Variants in DNAJC11 observed in about 807,000 individuals in gnomAD.
DNAJC11 encodes the protein DnaJ heat shock protein family (Hsp40) member C11, also known as dnaJ homolog subfamily C member 11.
DNAJC11 carries 15 observed loss-of-function variants against 78.6 expected under a neutral mutation model. That is an observed-to-expected ratio of 0.19 (90% confidence interval 0.13 to 0.29). DNAJC11 has a LOEUF of 0.29. DNAJC11 is among the 10% of genes least tolerant of loss of function. The pLI, the probability that DNAJC11 is intolerant of heterozygous loss-of-function variation, is 1.00. For missense variants in DNAJC11, 547 were observed against 709.6 expected (o/e 0.77, Z 2.60); for synonymous variants, 292 against 272.1 (o/e 1.07, Z -0.72).
intron 4 of DNAJC11, among the ~76,000 whole-genome samples, chr1:6,666,782 C>T (rs1265356289): frequency 2.0e-5 from 3 of 152,124 alleles, no homozygotes; most frequent in Non-Finnish European, 2.9e-5. Flanking sequence ...CTTCCAACAA[C>T]GTTGATGATT....
Position 6,651,586 on chromosome 1 carries a change from C to T in DNAJC11, c.647G>A (p.Gly216Glu). The change falls in exon 7 of 16, where the codon GGA becomes GAA. Residue 216 changes from glycine (G) to glutamate (E), a missense_variant. Transcript: ENST00000377577. The part of the protein sequence containing the change: ...KGWGELEFGA[G>E]DLQGPLFGLK... ...ACCGAACAAAGGCCCCTGTAGGTCTCCAGCTCCAAATTCCAACTGTTTGAA... is the reference window on the plus strand; with the variant it reads ...ACCGAACAAAGGCCCCTGTAGGTCTTCAGCTCCAAATTCCAACTGTTTGAA... The T allele has an allele frequency of 6.2e-7, 1 of 1,614,060 alleles. No individual in the cohort carries two copies. Among genetic ancestry groups the T allele is most frequent in the Non-Finnish European group, 8.5e-7 (1 of 1,179,960 alleles).
intron 4 of DNAJC11, among the ~76,000 whole-genome samples, chr1:6,661,386 T>C (rs1042251706): frequency 3.3e-5 from 5 of 152,224 alleles, no homozygotes; most frequent in African/African-American, 1.2e-4. Flanking sequence ...CAGTAGTCTT[T>C]AATTCTGAAA....
chr1:6,656,653 G>A (rs1190426273), intron 4 of DNAJC11, among the ~76,000 whole-genome samples: 1 of 151,648 alleles, frequency 6.6e-6, no homozygotes, highest in Non-Finnish European at 1.5e-5. Flanking sequence ...CTGAGGTGGA[G>A]GGATTGCTTG....
intron 6 of DNAJC11, among the ~76,000 whole-genome samples, chr1:6,651,965 C>A (rs1642062577): frequency 1.3e-5 from 2 of 151,596 alleles, no homozygotes; most frequent in Non-Finnish European, 2.9e-5. Flanking sequence ...GACTGCGGTC[C>A]GGTGTGCCCC....
Position 6,634,359 on chromosome 1 carries a change from A to AGAT in DNAJC11, c.*1313_*1315dup. ...TCAGAGAAACCTTTTTAAAAAATGGAGATGAATGTTACAGAATTGGACAAC... is the reference window on the plus strand; with the variant it reads ...TCAGAGAAACCTTTTTAAAAAATGGAGATGATGAATGTTACAGAATTGGACAAC... On this transcript the variant is annotated 3_prime_UTR_variant, in exon 16 of 16. Coordinates refer to ENST00000377577, the MANE Select transcript of DNAJC11 (RefSeq NM_018198.4). The AGAT allele has an allele frequency of 9.1e-7, 1 of 1,104,378 alleles. No homozygotes were observed. The highest frequency in any genetic ancestry group is 1.2e-6 in the Non-Finnish European group (1 of 823,002). 68.4% of individuals were successfully genotyped at this position (1,104,378 alleles called of 1,614,324 possible).
rs1641819370 is a variant in DNAJC11 at position 6,638,359 on chromosome 1, A to G, written c.1259T>C (p.Leu420Ser). The G allele has an allele frequency of 6.2e-7, 1 of 1,613,138 alleles. No individual in the cohort carries two copies. The highest frequency in any genetic ancestry group is 8.5e-7 in the Non-Finnish European group (1 of 1,179,628). The change falls in exon 12 of 16, where the codon TTG (leucine) becomes TCG (serine). Residue 420 changes from leucine (L) to serine (S), a missense_variant. Leu to Ser is a moderately radical substitution (Grantham distance 145, BLOSUM62 -2). Coordinates refer to ENST00000377577, the MANE Select transcript of DNAJC11 (RefSeq NM_018198.4). The stretch of plus-strand genomic sequence containing the variant: ...GGCGGCGCTTTCCCTCTGCTTCTCC[A>G]ATTCCCTTACGCGAGAGGAACACAA... ...PYLRAQKEKE[L>S]EKQRESAATD... is the part of the protein sequence containing the mutation.
At chr1:6,697,108 T>G (rs1642850094) in intron 1 of DNAJC11, among the ~76,000 whole-genome samples, 4 of 152,212 alleles carry the variant, frequency 2.6e-5, no homozygotes, top group Admixed American at 2.6e-4. Context: ...ATGATGCATC[T>G]AACACTAAAC....
intron 1 of DNAJC11, among the ~76,000 whole-genome samples, chr1:6,683,503 T>C (rs1642587344): frequency 6.6e-6 from 1 of 152,204 alleles, no homozygotes; most frequent in Non-Finnish European, 1.5e-5. Context: ...CCCCTTTCTG[T>C]TTCATCACCT....
chr1:6,656,506 C>T (rs1394357021), intron 4 of DNAJC11, among the ~76,000 whole-genome samples: 1 of 151,680 alleles, frequency 6.6e-6, no homozygotes, highest in Non-Finnish European at 1.5e-5. Flanking sequence ...TTTTTATGTT[C>T]TAATATGAAG....
At chr1:6,687,063 T>A (rs892081752) in intron 1 of DNAJC11, among the ~76,000 whole-genome samples, 1 of 152,262 alleles carries the variant, frequency 6.6e-6, no homozygotes, top group African/African-American at 2.4e-5. Context: ...GTGTTTATTA[T>A]GATAGTTGGT....
chr1:6,671,970 G>A (rs1323607687), intron 3 of DNAJC11, among the ~76,000 whole-genome samples: 1 of 152,154 alleles, frequency 6.6e-6, no homozygotes, highest in African/African-American at 2.4e-5. Flanking sequence ...GAGTAGCTGG[G>A]ATTACAGGCT....
intron 11 of DNAJC11, among the ~76,000 whole-genome samples, chr1:6,638,803 A>G (rs1007014387): frequency 6.6e-6 from 1 of 152,226 alleles, no homozygotes; most frequent in African/African-American, 2.4e-5. Flanking sequence ...CTAGGGTTAC[A>G]GGCGTGAGTT....
chr1:6,686,266 G>A (rs1642654148), intron 1 of DNAJC11, among the ~76,000 whole-genome samples: 1 of 152,146 alleles, frequency 6.6e-6, no homozygotes, highest in Non-Finnish European at 1.5e-5. Context: ...ACTTAAGAAT[G>A]TAATAACTTA....
In DNAJC11 at chr1:6,637,221, G is replaced by C; in HGVS notation, c.1501C>G (p.Leu501Val). Residue 501 changes from leucine to valine, a missense_variant, in exon 14 of 16, where the codon CTC becomes GTC. By Grantham distance (32) the Leu-to-Val change is conservative (BLOSUM62 1). Transcript: ENST00000377577. The part of the protein sequence containing the change: ...PLQCLVKDSK[L>V]ILTEASKAGL... ...ACCTTGGAGGCCTCCGTGAGGATGA[G>C]CTTCGAGTCCTTCACCAGGCACTGC... The C allele has an allele frequency of 6.2e-7, 1 of 1,614,138 alleles. No homozygotes were observed. Among genetic ancestry groups the C allele is most frequent in the Non-Finnish European group, 8.5e-7 (1 of 1,180,028 alleles).
At chr1:6,638,134 A>C (rs1557463950) in intron 12 of DNAJC11, 161 bp downstream of exon 12, 1 of 598,234 alleles carries the variant, frequency 1.7e-6, no homozygotes, top group Non-Finnish European at 2.8e-6. Context: ...TCTTCAGGGC[A>C]GGGACTGCAG....
intron 2 of DNAJC11, among the ~76,000 whole-genome samples, chr1:6,679,581 A>G (rs371448760): frequency 2.6e-5 from 4 of 152,232 alleles, no homozygotes; most frequent in Non-Finnish European, 1.5e-5. Context: ...CATAAATGAT[A>G]CTATGCATAA....
At chr1:6,643,061 C>A (rs1254982015) in intron 10 of DNAJC11, among the ~76,000 whole-genome samples, 1 of 151,932 alleles carries the variant, frequency 6.6e-6, no homozygotes, top group Non-Finnish European at 1.5e-5. Context: ...AAACTCAGGG[C>A]AGAGAGGCTG....
At chr1:6,663,177 C>A (rs1212068409) in intron 4 of DNAJC11, among the ~76,000 whole-genome samples, 1 of 152,108 alleles carries the variant, frequency 6.6e-6, no homozygotes, top group Admixed American at 6.5e-5. Context: ...TGTATATCAA[C>A]CTCTGTAATA....
Position 6,645,682 on chromosome 1 carries a change from A to G in DNAJC11, c.894+107T>C. 3.0e-6 allele frequency: 4 copies of G among 1,311,896 alleles called. No individual in the cohort carries two copies. Among genetic ancestry groups the G allele is most frequent in the Non-Finnish European group, 3.2e-6 (3 of 935,942 alleles). The allele number at this position is 1,311,896 out of a possible 1,614,324, so 81.3% of individuals were successfully genotyped here. A position where few individuals can be genotyped will look rare whatever the true frequency, so the allele number is the denominator to read the frequency against. Reference sequence around the variant, plus strand: ...GCCCCTCAGGGCCCTGTATGGGCTTAGACTTAGTGGTGATCAGGACGCAGG... The same window carrying G: ...GCCCCTCAGGGCCCTGTATGGGCTTGGACTTAGTGGTGATCAGGACGCAGG... On this transcript the variant is annotated intron_variant, in intron 8 of 15. Transcript: ENST00000377577. The surrounding 1 kb of genome is among the most constrained non-coding windows in gnomAD (Gnocchi z 4.1).
Sources: allele counts gnomAD v4.1 joint callset (sites outside exome capture counted in the v4.1 genomes callset), GRCh38; gene constraint gnomAD v4.1.1; non-coding constraint Gnocchi (gnomAD v3.1); transcripts MANE v1.5; gene names NCBI Gene and HGNC (gene_info 2026-07-23, HGNC 2026-07-21).